The following KIF27 variants were observed in gnomAD, a reference collection of about 807,000 sequenced individuals.
KIF27 encodes the protein kinesin family member 27.
KIF27 carries 84 observed loss-of-function variants against 141.8 expected under a neutral mutation model. That is an observed-to-expected ratio of 0.59 (90% CI 0.50 to 0.71). The LOEUF (loss-of-function observed/expected upper bound fraction) is 0.71. Among genes scored for constraint, KIF27 ranks in the 30% least tolerant of loss-of-function variants. The probability of loss-of-function intolerance (pLI) is 0.00; values close to 1 mark genes in which losing one functional copy is unlikely to be tolerated. For missense variants in KIF27, 1,306 were observed against 1,628.4 expected, an observed-to-expected ratio of 0.80 and a Z score of 3.41; for synonymous variants, 471 against 569.5, an observed-to-expected ratio of 0.83 and a Z score of 2.46.
chr9:83,886,147 G>A (rs1435144471), intron 9 of KIF27, among the ~76,000 whole-genome samples: 1 of 152,046 alleles, frequency 6.6e-6, no homozygotes, highest in Non-Finnish European at 1.5e-5. Flanking sequence ...GAGTATCTAG[G>A]AGCTGATCTA....
At position 83,867,712 on chromosome 9, in the gene KIF27, A is replaced by G; in HGVS notation, c.2906T>C (p.Leu969Pro). ...ACTAGATCTCAATTTCTTATTTTCC[A>G]GGTGACTCTTCTCCTGTAACAGAGC... ...KEALLQEKSH[L>P]ENKKLRSSQA... Residue 969 changes from leucine to proline, a missense_variant, in exon 13 of 18, where the codon CTG becomes CCG. Coordinates refer to ENST00000297814, the MANE Select transcript of KIF27 (RefSeq NM_017576.4). 1 of 1,601,982 alleles carries G rather than the reference A, an allele frequency of 6.2e-7. No individual in the cohort carries two copies.
intron 10 of KIF27, 134 bp from the exon 11 acceptor site, chr9:83,880,628 C>T (rs1951599887): frequency 1.4e-6 from 1 of 735,892 alleles, no homozygotes; most frequent in Admixed American, 2.9e-5. Flanking sequence ...GGTTTACAAA[C>T]AATTGCTTAC....
At chr9:83,878,409 G>A (rs1325100572) in intron 11 of KIF27, among the ~76,000 whole-genome samples, 1 of 151,920 alleles carries the variant, frequency 6.6e-6, no homozygotes, top group Non-Finnish European at 1.5e-5. Context: ...ATACTCCTAG[G>A]TACATACCCA....
At chr9:83,895,780 G>A (rs550742699) in intron 5 of KIF27, among the ~76,000 whole-genome samples, 16 of 152,026 alleles carry the variant, frequency 1.1e-4, no homozygotes, top group African/African-American at 2.6e-4. Context: ...AGTATAGACC[G>A]GGCACGGTGG....
intron 4 of KIF27, among the ~76,000 whole-genome samples, chr9:83,902,492 C>T (rs1172024616): frequency 6.6e-6 from 1 of 152,154 alleles, no homozygotes; most frequent in Non-Finnish European, 1.5e-5. Flanking sequence ...AATACACGTA[C>T]ATGTAACATG....
At chr9:83,896,860 A>G (rs1023034090) in intron 5 of KIF27, among the ~76,000 whole-genome samples, 2 of 152,246 alleles carry the variant, frequency 1.3e-5, no homozygotes, top group African/African-American at 4.8e-5. Context: ...TGAAATGTTT[A>G]GAATAGGCAA....
chr9:83,849,230 T>C (rs1810736121), intron 16 of KIF27: 1 of 152,182 alleles, frequency 6.6e-6, no homozygotes, highest in African/African-American at 2.4e-5. Context: ...GAGAGCATGT[T>C]TGAATGTAAT....
chr9:83,850,006 GTTGACCTT>G lies in KIF27; in HGVS notation c.3556+85_3556+92del, dbSNP rs1399883109. Reference sequence around the variant, plus strand: ...GTCTAAGTAGCAACTATTTAAACATGTTGACCTTTTAAGTGATCAAATTCTGTCCTATC... The same window carrying G: ...GTCTAAGTAGCAACTATTTAAACATGTTAAGTGATCAAATTCTGTCCTATC... On this transcript the variant is annotated intron_variant, in intron 16 of 17. Transcript: ENST00000297814. 1.4e-5 allele frequency: 16 copies of G among 1,126,478 alleles called. No homozygotes were observed. In the East Asian group the frequency reaches 2.4e-4, roughly 17 times the overall value. The allele number at this position is 1,126,478 out of a possible 1,614,324, so 69.8% of individuals were successfully genotyped here.
At chr9:83,920,049 T>C (rs1218677268) in intron 1 of KIF27, among the ~76,000 whole-genome samples, 3 of 152,090 alleles carry the variant, frequency 2.0e-5, no homozygotes, top group Non-Finnish European at 4.4e-5. Context: ...CTGGGCAACA[T>C]GGTGAAACCC....
intron 5 of KIF27, among the ~76,000 whole-genome samples, chr9:83,892,108 AAAG>A (rs1187186451): frequency 6.6e-6 from 1 of 152,190 alleles, no homozygotes; most frequent in Admixed American, 6.5e-5. Context: ...TGTATCCTCT[AAAG>A]AAAATTTTTG....
chr9:83,838,272 C>T (rs1469736672), intron 17 of KIF27, among the ~76,000 whole-genome samples: 4 of 151,548 alleles, frequency 2.6e-5, no homozygotes, highest in East Asian at 1.9e-4. Context: ...CTCGCTCTGT[C>T]GCCCAGGTTG....
intron 5 of KIF27, among the ~76,000 whole-genome samples, chr9:83,899,433 C>T (rs1250916859): frequency 6.6e-6 from 1 of 152,066 alleles, no homozygotes; most frequent in Non-Finnish European, 1.5e-5. Context: ...AATTAATTTC[C>T]TGGGTATTAT....
chr9:83,912,506 C>T (rs552347007), intron 2 of KIF27, among the ~76,000 whole-genome samples: 2 of 152,182 alleles, frequency 1.3e-5, no homozygotes, highest in Non-Finnish European at 2.9e-5. Context: ...GATAAGCAAT[C>T]TTGATTATCC....
At chr9:83,845,041 C>CTGCCACTT (rs1947076253) in intron 16 of KIF27, among the ~76,000 whole-genome samples, 1 of 152,176 alleles carries the variant, frequency 6.6e-6, no homozygotes, top group African/African-American at 2.4e-5. Context: ...GCAAGCTGCT[C>CTGCCACTT]TGCCACTTGG....
intron 11 of KIF27, among the ~76,000 whole-genome samples, chr9:83,873,335 A>G (rs1950948836): frequency 6.6e-6 from 1 of 152,232 alleles, no homozygotes. Context: ...ACTGGCTGTC[A>G]TCTTAGGGAG....
chr9:83,911,219 A>G (rs1185848398), intron 2 of KIF27, among the ~76,000 whole-genome samples: 1 of 152,068 alleles, frequency 6.6e-6, no homozygotes, highest in African/African-American at 2.4e-5. Context: ...GGCATGTGCC[A>G]CCACATCAAG....
chr9:83,903,801 C>T lies in KIF27; in HGVS notation c.717G>A (p.Lys239=), dbSNP rs1954196055. 6.2e-7 allele frequency: 1 copy of T among 1,614,202 alleles called. No individual in the cohort carries two copies. The highest frequency in any genetic ancestry group is 1.6e-4 in the Middle Eastern group (1 of 6,062). The part of the protein sequence containing the change: ...SWYSPRHIVS[K]FHFVDLAGSE... ...ATCCTGCCAAATCCACAAAGTGGAA[C>T]TTTGAGACAATATGCCGAGGGGAAT... The change falls in exon 4 of 18, where the codon AAG becomes AAA. Residue 239 remains lysine (K), a synonymous_variant. Transcript: ENST00000297814.
chr9:83,844,294 T>TTATA (rs1213458042), intron 16 of KIF27, among the ~76,000 whole-genome samples: 1 of 79,662 alleles, frequency 1.3e-5, no homozygotes, highest in African/African-American at 7.6e-5. Context: ...AAACTCCCCT[T>TTATA]TATATATATA....
intron 1 of KIF27, 55 bp from the exon 2 acceptor site, chr9:83,915,733 A>C (rs1032516830): frequency 1.3e-6 from 1 of 752,668 alleles, no homozygotes; most frequent in Non-Finnish European, 2.1e-6. Flanking sequence ...GTATCCCAAT[A>C]AACTAACCAC....
Sources: allele counts gnomAD v4.1 joint callset (sites outside exome capture counted in the v4.1 genomes callset), GRCh38; gene constraint gnomAD v4.1.1; transcripts MANE v1.5; gene names NCBI Gene and HGNC (gene_info 2026-07-23, HGNC 2026-07-21).